Variants in AAMDC observed in about 807,000 individuals in gnomAD.
AAMDC encodes adipogenesis associated Mth938 domain containing.
In AAMDC, 16 loss-of-function variants were observed where a neutral mutation model predicts 15.5. That is an observed-to-expected ratio of 1.03 (90% CI 0.70 to 1.57). The LOEUF (loss-of-function observed/expected upper bound fraction) is 1.57. Ranked by LOEUF, AAMDC falls within the 40% of genes most tolerant of loss-of-function variation. The pLI, the probability that AAMDC is intolerant of heterozygous loss-of-function variation, is 0.00. For synonymous variants in AAMDC, 51 were observed against 51.6 expected (o/e 0.99, Z 0.05); for missense variants, 141 against 144.9 (o/e 0.97, Z 0.14).
At chr11:77,884,052 A>G (rs1336096051) in intron 5 of AAMDC, 24 of 1,224,798 alleles carry the variant, frequency 2.0e-5, no homozygotes, top group Non-Finnish European at 2.6e-5. Flanking sequence ...AAGAAGAAAC[A>G]TGACACCAAC....
chr11:77,825,036 A>C (rs1383920610), intron 1 of AAMDC, among the ~76,000 whole-genome samples: 1 of 152,132 alleles, frequency 6.6e-6, no homozygotes, highest in African/African-American at 2.4e-5. Context: ...GCTAGAGTGC[A>C]GTGACGCGAT....
intron 2 of AAMDC, among the ~76,000 whole-genome samples, chr11:77,843,889 T>C (rs953664424): frequency 4.6e-5 from 7 of 152,092 alleles, no homozygotes; most frequent in African/African-American, 1.7e-4. Context: ...AGTCACGTCT[T>C]ACATGGATGG....
chr11:77,824,028 G>T (rs1590915515), intron 1 of AAMDC, among the ~76,000 whole-genome samples: 1 of 152,114 alleles, frequency 6.6e-6, no homozygotes, highest in Non-Finnish European at 1.5e-5. Flanking sequence ...AATCTAGATC[G>T]GCAGGGAAAC....
chr11:77,822,414 CAAAAAA>C (rs66463325), intron 1 of AAMDC, among the ~76,000 whole-genome samples: 11 of 74,784 alleles, frequency 1.5e-4, no homozygotes, highest in African/African-American at 4.5e-4. Context: ...GACTCCACCT[CAAAAAA>C]AAAAAAAAAA....
chr11:77,855,135 C>T (rs1321652695), intron 2 of AAMDC, among the ~76,000 whole-genome samples: 3 of 152,120 alleles, frequency 2.0e-5, no homozygotes, highest in African/African-American at 4.8e-5. Context: ...AGGCCTTGTA[C>T]CTGTCCCACA....
At chr11:77,895,063 G>T (rs183698342) in intron 5 of AAMDC, among the ~76,000 whole-genome samples, 4 of 152,288 alleles carry the variant, frequency 2.6e-5, no homozygotes, top group African/African-American at 9.6e-5. Flanking sequence ...CATAGATGGT[G>T]TTCCTTCCTC....
At chr11:77,877,084 A>C, downstream of AAMDC, 1 of 701,796 alleles carries the variant, frequency 1.4e-6, no homozygotes, top group Non-Finnish European at 2.6e-6. Flanking sequence ...CCCTGGAGTT[A>C]ATCATTCTTC....
intron 3 of AAMDC, among the ~76,000 whole-genome samples, chr11:77,871,605 C>A (rs868704725): frequency 6.6e-6 from 1 of 152,150 alleles, no homozygotes; most frequent in African/African-American, 2.4e-5. Context: ...CTCACACCAA[C>A]CCTGTGATGT....
chr11:77,828,496 T>G (rs1197073427), intron 1 of AAMDC, among the ~76,000 whole-genome samples: 2 of 151,678 alleles, frequency 1.3e-5, no homozygotes, highest in Non-Finnish European at 2.9e-5. Flanking sequence ...TGAAACCCCA[T>G]CTCTACTAAA....
intron 5 of AAMDC, among the ~76,000 whole-genome samples, chr11:77,888,376 G>C (rs1385764615): frequency 6.6e-6 from 1 of 152,192 alleles, no homozygotes; most frequent in Non-Finnish European, 1.5e-5. Flanking sequence ...GTCATATGTA[G>C]AAAGCTGAAA....
chr11:77,895,527 G>GAAAA lies in AAMDC; in HGVS notation c.329-5017_329-5014dup, dbSNP rs71046921. On this transcript the variant is annotated intron_variant, in intron 5 of 5. Transcript: ENST00000304716. The stretch of plus-strand genomic sequence containing the variant: ...CAACATTCATTCTAATTCTTTTCCT[G>GAAAA]AAAAAAAAAAAAAAAAAAAAAAAAA... 5.6e-4 allele frequency among the ~76,000 whole-genome samples: 22 copies of GAAAA among 39,258 alleles called. 1 individual carries two copies. Among genetic ancestry groups the GAAAA allele is most frequent in the African/African-American group, 2.0e-3 (21 of 10,690 alleles). The allele number at this position is 39,258 out of a possible 152,430, so 25.8% of individuals were successfully genotyped here. A position where few individuals can be genotyped will look rare whatever the true frequency, so the allele number is the denominator to read the frequency against.
intron 1 of AAMDC, among the ~76,000 whole-genome samples, chr11:77,838,284 T>C (rs1343844053): frequency 6.6e-6 from 1 of 152,168 alleles, no homozygotes; most frequent in Non-Finnish European, 1.5e-5. Context: ...CAAATACTAA[T>C]CTAAGTGTTG....
intron 2 of AAMDC, among the ~76,000 whole-genome samples, chr11:77,854,493 C>T (rs181937901): frequency 6.6e-6 from 1 of 152,204 alleles, no homozygotes; most frequent in Non-Finnish European, 1.5e-5. Context: ...AAAGAAGCTA[C>T]AGGCCCATGC....
At chr11:77,826,562 T>G (rs942860918) in intron 1 of AAMDC, among the ~76,000 whole-genome samples, 1 of 152,150 alleles carries the variant, frequency 6.6e-6, no homozygotes, top group Non-Finnish European at 1.5e-5. Flanking sequence ...AGATACTGTA[T>G]TTACATGCCA....
At chr11:77,903,163 G>A (rs566113045), downstream of AAMDC, among the ~76,000 whole-genome samples, 1 of 152,324 alleles carries the variant, frequency 6.6e-6, no homozygotes, top group African/African-American at 2.4e-5. Context: ...CTGGGACTAG[G>A]ACCCAGGTCC....
At chr11:77,890,142 G>A (rs1410424066) in intron 5 of AAMDC, among the ~76,000 whole-genome samples, 5 of 152,140 alleles carry the variant, frequency 3.3e-5, no homozygotes, top group Non-Finnish European at 7.3e-5. Context: ...AACCACTAAT[G>A]TGGAAAAAAA....
At chr11:77,875,678 A>C (rs1039122473), downstream of AAMDC, among the ~76,000 whole-genome samples, 3 of 152,178 alleles carry the variant, frequency 2.0e-5, no homozygotes, top group African/African-American at 7.2e-5. Context: ...TAAATACTAT[A>C]CTATGTGTGA....
intron 5 of AAMDC, among the ~76,000 whole-genome samples, chr11:77,898,234 G>C (rs1437434706): frequency 6.6e-6 from 1 of 152,124 alleles, no homozygotes; most frequent in Non-Finnish European, 1.5e-5. Flanking sequence ...TGCGATCTCG[G>C]CTCACTGCAA....
Position 77,842,583 on chromosome 11 carries a change from G to T in AAMDC, c.87G>T (p.Trp29Cys). 13 of 1,614,034 alleles carry T rather than the reference G, an allele frequency of 8.1e-6. No homozygotes were observed. Among genetic ancestry groups the T allele is most frequent in the Non-Finnish European group, 1.1e-5 (13 of 1,179,974 alleles). ...CAACCTATAAGGACTGCAAAGTATG[G>T]CCAGGGGGTAGTCGGACTTGGGATT... is the stretch of plus-strand genomic sequence containing the variant. ...SNTTYKDCKV[W>C]PGGSRTWDWR... The change falls in exon 2 of 4, where the codon TGG becomes TGT. Residue 29 changes from tryptophan (W) to cysteine (C), a missense_variant. Coordinates refer to ENST00000393427, the MANE Select transcript of AAMDC (RefSeq NM_024684.4).
Sources: gnomAD v4.1 joint callset for allele counts (sites outside exome capture counted in the v4.1 genomes callset) on GRCh38, gnomAD v4.1.1 for gene constraint, MANE v1.5 for transcripts, NCBI Gene and HGNC (gene_info 2026-07-23, HGNC 2026-07-21) for gene names.